Variants in NOS1AP observed in about 807,000 individuals in gnomAD.
NOS1AP encodes nitric oxide synthase 1 adaptor protein.
In NOS1AP, 21 loss-of-function variants were observed where a neutral mutation model predicts 56.2. The ratio of observed to expected loss-of-function variants is 0.37; its 90% CI spans 0.26 to 0.54. The LOEUF (loss-of-function observed/expected upper bound fraction) is 0.54, where lower values mean the gene tolerates loss of function less well. Ranked by LOEUF, NOS1AP falls within the 20% of genes least tolerant of loss-of-function variation. The pLI is 0.84. For synonymous variants in NOS1AP, 270 were observed against 274.6 expected, an observed-to-expected ratio of 0.98 and a Z score of 0.17; for missense variants, 522 against 657.8, an observed-to-expected ratio of 0.79 and a Z score of 2.26.
chr1:162,186,950 G>A (rs747661176), intron 2 of NOS1AP, among the ~76,000 whole-genome samples: 2 of 151,906 alleles, frequency 1.3e-5, no homozygotes, highest in Non-Finnish European at 2.9e-5. Flanking sequence ...TGTTGGTTTT[G>A]TTGTTGTTGT....
At chr1:162,100,953 T>C (rs1647237319) in intron 1 of NOS1AP, among the ~76,000 whole-genome samples, 1 of 152,238 alleles carries the variant, frequency 6.6e-6, no homozygotes, top group Non-Finnish European at 1.5e-5. Context: ...AGATCCCATT[T>C]GTCAAGTTTT....
intron 2 of NOS1AP, among the ~76,000 whole-genome samples, chr1:162,241,018 C>G (rs1200332646): frequency 1.3e-5 from 2 of 152,172 alleles, no homozygotes; most frequent in Non-Finnish European, 2.9e-5. Context: ...CCAGCCTATC[C>G]TCTACTTCTC....
intron 1 of NOS1AP, among the ~76,000 whole-genome samples, chr1:162,123,172 T>A (rs896128130): frequency 6.6e-6 from 1 of 152,228 alleles, no homozygotes; most frequent in Non-Finnish European, 1.5e-5. Flanking sequence ...TTTTATTTTT[T>A]GAATATCTAA....
At chr1:162,289,358 T>C (rs1340230287) in intron 3 of NOS1AP, among the ~76,000 whole-genome samples, 2 of 151,368 alleles carry the variant, frequency 1.3e-5, no homozygotes, top group Admixed American at 6.6e-5. Flanking sequence ...AGTGAAGTGA[T>C]GCAATCTTGG....
intron 3 of NOS1AP, among the ~76,000 whole-genome samples, chr1:162,294,063 G>A (rs544781823): frequency 7.9e-5 from 12 of 152,144 alleles, no homozygotes; most frequent in South Asian, 2.1e-4. Flanking sequence ...AGTGTTAAAC[G>A]CCTGTGGGAG....
intron 4 of NOS1AP, among the ~76,000 whole-genome samples, chr1:162,327,117 A>C (rs1656616636): frequency 1.3e-5 from 2 of 152,214 alleles, no homozygotes; most frequent in Non-Finnish European, 2.9e-5. Flanking sequence ...TGAGAGAAAA[A>C]GGGGTGTGAA....
chr1:162,200,661 A>G (rs1451944191), intron 2 of NOS1AP, among the ~76,000 whole-genome samples: 1 of 152,110 alleles, frequency 6.6e-6, no homozygotes, highest in Non-Finnish European at 1.5e-5. Flanking sequence ...TTCTTTGGAG[A>G]ATATGGGAGG....
chr1:162,073,920 A>C (rs7515045), intron 1 of NOS1AP, among the ~76,000 whole-genome samples: 102,845 of 152,050 alleles, frequency 0.68, 35,183 homozygotes, highest in Non-Finnish European at 0.72. Context: ...CTCCTTAGTA[A>C]CTGCCTCCTG....
At chr1:162,141,029 CAA>C (rs1377992674) in intron 1 of NOS1AP, among the ~76,000 whole-genome samples, 1 of 152,086 alleles carries the variant, frequency 6.6e-6, no homozygotes, top group African/African-American at 2.4e-5. Context: ...TTGTCGGATG[CAA>C]AGTTTGCAAA....
At chr1:162,129,056 T>C (rs908586093) in intron 1 of NOS1AP, among the ~76,000 whole-genome samples, 6 of 152,236 alleles carry the variant, frequency 3.9e-5, no homozygotes, top group African/African-American at 9.6e-5. Context: ...TGTTGTATGC[T>C]AAATGCATCA....
chr1:162,252,289 G>A (rs1051965218), intron 2 of NOS1AP, among the ~76,000 whole-genome samples: 3 of 152,124 alleles, frequency 2.0e-5, no homozygotes, highest in South Asian at 4.2e-4. Context: ...TCAAGCAATC[G>A]GGCCACTTCC....
At chr1:162,102,925 ATCT>A (rs1353212008) in intron 1 of NOS1AP, among the ~76,000 whole-genome samples, 1 of 151,580 alleles carries the variant, frequency 6.6e-6, no homozygotes, top group African/African-American at 2.4e-5. Context: ...TTTTGTCTCT[ATCT>A]TCTTTGGTTC....
At chr1:162,095,169 T>G (rs78360063) in intron 1 of NOS1AP, among the ~76,000 whole-genome samples, 2 of 152,326 alleles carry the variant, frequency 1.3e-5, no homozygotes, top group East Asian at 3.9e-4. Flanking sequence ...TCTGAATGTT[T>G]GTGTCCTCCC....
chr1:162,321,727 A>AT lies in NOS1AP; in HGVS notation c.345-11290_345-11289insT, dbSNP rs879365955. On this transcript the variant is annotated intron_variant, in intron 4 of 9. Transcript: ENST00000361897. ...AGAACTTAAAGTATAATTAAAAAAA[A>AT]AAAAATATATATATATATATATATA... Among the ~76,000 whole-genome samples the AT allele has an allele frequency of 8.2e-3, 1,071 of 130,472 alleles. 7 individuals carry two copies. Among genetic ancestry groups the AT allele is most frequent in the African/African-American group, 0.018 (568 of 31,578 alleles). 85.6% of individuals were successfully genotyped at this position (130,472 alleles called of 152,430 possible). A position where few individuals can be genotyped will look rare whatever the true frequency, so the allele number is the denominator to read the frequency against.
chr1:162,266,466 G>T (rs12751794), intron 2 of NOS1AP, among the ~76,000 whole-genome samples: 2,163 of 152,254 alleles, frequency 0.014, 30 homozygotes, highest in South Asian at 0.047. Flanking sequence ...ACCATGAATC[G>T]CCTGGTAAGA....
chr1:162,352,453 A>G (rs1657545623), intron 6 of NOS1AP, among the ~76,000 whole-genome samples: 1 of 151,886 alleles, frequency 6.6e-6, no homozygotes, highest in Non-Finnish European at 1.5e-5. Context: ...CATGATTTCA[A>G]CTAAAGTTTA....
Position 162,296,241 on chromosome 1 carries a change from C to A in NOS1AP, c.271-4392C>A, listed in dbSNP as rs141089622. ...GGTGGAGCTTGCAGTGAGCCGAGATCGCGCCACTGCACTCCAGCCTGGTGA... is the reference window on the plus strand; with the variant it reads ...GGTGGAGCTTGCAGTGAGCCGAGATAGCGCCACTGCACTCCAGCCTGGTGA... On this transcript the variant is annotated intron_variant, in intron 3 of 9. Coordinates refer to ENST00000361897, the MANE Select transcript of NOS1AP (RefSeq NM_014697.3). Among the ~76,000 whole-genome samples the A allele has an allele frequency of 2.9e-3, 444 of 152,206 alleles. 3 individuals carry two copies. The highest frequency in any genetic ancestry group is 0.017 in the Middle Eastern group (5 of 294).
chr1:162,337,904 G>A (rs1192950760), intron 5 of NOS1AP, among the ~76,000 whole-genome samples: 5 of 152,190 alleles, frequency 3.3e-5, no homozygotes, highest in Non-Finnish European at 4.4e-5. Context: ...CAGAGCCTTA[G>A]TACTGTAGAT....
At chr1:162,305,032 G>T (rs773608193) in intron 4 of NOS1AP, among the ~76,000 whole-genome samples, 4 of 151,948 alleles carry the variant, frequency 2.6e-5, no homozygotes, top group Non-Finnish European at 5.9e-5. Flanking sequence ...CATTTTAGAC[G>T]AATGAATTTT....
Sources: gnomAD v4.1 joint callset for allele counts (sites outside exome capture counted in the v4.1 genomes callset) on GRCh38, gnomAD v4.1.1 for gene constraint, MANE v1.5 for transcripts, NCBI Gene and HGNC (gene_info 2026-07-23, HGNC 2026-07-21) for gene names.